Variants in KDM4B observed in about 807,000 individuals in gnomAD.
The protein encoded by KDM4B is lysine-specific demethylase 4B.
KDM4B carries 32 observed loss-of-function variants against 125.2 expected under a neutral mutation model. The observed-to-expected ratio is 0.26, with a 90% CI of 0.19 to 0.34. KDM4B has a LOEUF of 0.34. KDM4B is among the 10% of genes least tolerant of loss of function. The probability of loss-of-function intolerance (pLI) is 1.00; values close to 1 mark genes in which losing one functional copy is unlikely to be tolerated. For missense variants in KDM4B, 1,190 were observed against 1,577.7 expected, an observed-to-expected ratio of 0.75 and a Z score of 4.16; for synonymous variants, 721 against 677.9, an observed-to-expected ratio of 1.06 and a Z score of -0.99.
chr19:5,105,120 A>G (rs1215858998), intron 9 of KDM4B, among the ~76,000 whole-genome samples: 1 of 152,206 alleles, frequency 6.6e-6, no homozygotes, highest in African/African-American at 2.4e-5. Context: ...TGCCCACAGT[A>G]CATGGCTGGC....
intron 3 of KDM4B, among the ~76,000 whole-genome samples, chr19:5,037,197 G>A (rs1396231943): frequency 6.6e-6 from 1 of 152,214 alleles, no homozygotes; most frequent in Non-Finnish European, 1.5e-5. Context: ...GCTTTGGCGT[G>A]GATTTGGAGC....
chr19:5,101,275 G>GT (rs933611704), intron 9 of KDM4B, among the ~76,000 whole-genome samples: 123 of 143,368 alleles, frequency 8.6e-4, no homozygotes, highest in African/African-American at 1.6e-3. Context: ...CCAGGTTTTT[G>GT]TTTTTTTTTT....
rs191535318 is a variant in KDM4B at position 5,151,751 on chromosome 19, A to G, written c.*240A>G. ...GGAGCACCCCACTCAACTACTCAGA[A>G]TTTTAAACCATGTAAGCTCTCTTCT... On this transcript the variant is annotated 3_prime_UTR_variant, in exon 23 of 23. Coordinates refer to ENST00000159111, the MANE Select transcript of KDM4B (RefSeq NM_015015.3). 121 of 388,610 alleles carry G rather than the reference A, an allele frequency of 3.1e-4. 1 individual carries two copies. Among genetic ancestry groups the G allele is most frequent in the African/African-American group, 2.3e-3 (111 of 48,472 alleles). The allele number at this position is 388,610 out of a possible 1,614,324, so 24.1% of individuals were successfully genotyped here. A position where few individuals can be genotyped will look rare whatever the true frequency, so the allele number is the denominator to read the frequency against.
intron 9 of KDM4B, among the ~76,000 whole-genome samples, chr19:5,090,861 C>T (rs560053257): frequency 2.8e-4 from 43 of 151,790 alleles, no homozygotes; most frequent in African/African-American, 1.0e-3. Context: ...CCCTCCCTGC[C>T]CACCAGGTGT....
intron 9 of KDM4B, among the ~76,000 whole-genome samples, chr19:5,107,337 G>T (rs948682955): frequency 6.6e-6 from 1 of 152,232 alleles, no homozygotes; most frequent in Non-Finnish European, 1.5e-5. Context: ...CCCCCGGATG[G>T]TGCCTTCCTT....
intron 10 of KDM4B, among the ~76,000 whole-genome samples, chr19:5,111,180 A>G (rs1156368582): frequency 6.6e-6 from 1 of 152,190 alleles, no homozygotes; most frequent in African/African-American, 2.4e-5. Flanking sequence ...CACCAGCCAC[A>G]TGGCTCCCTG....
Position 5,082,588 on chromosome 19 carries a change from G to C in KDM4B, c.918+84G>C. On this transcript the variant is annotated intron_variant, in intron 9 of 22. Transcript: ENST00000159111. This position sits in a 1 kb window ranked among gnomAD's most constrained non-coding sequence, Gnocchi z 5.4. ...CTCTGCAGCCACACGCCCATAGCTG[G>C]TCCAGCAGCCGTTTCGCTCAGCCCA... The C allele has an allele frequency of 6.9e-7, 1 of 1,441,274 alleles. No individual in the cohort carries two copies. The highest frequency in any genetic ancestry group is 9.3e-7 in the Non-Finnish European group (1 of 1,079,970). The allele number at this position is 1,441,274 out of a possible 1,614,324, so 89.3% of individuals were successfully genotyped here. A position where few individuals can be genotyped will look rare whatever the true frequency, so the allele number is the denominator to read the frequency against.
intron 1 of KDM4B, among the ~76,000 whole-genome samples, chr19:4,980,923 C>T (rs1463839727): frequency 1.4e-5 from 2 of 146,890 alleles, no homozygotes; most frequent in Admixed American, 1.3e-4. Flanking sequence ...GGGGCAGACA[C>T]AGCATAGAAA....
At chr19:5,079,254 C>T (rs188247161) in intron 8 of KDM4B, 4 of 152,292 alleles carry the variant, frequency 2.6e-5, no homozygotes, top group South Asian at 2.1e-4. Context: ...TGTCTGGGGC[C>T]GCGTCCTGTC....
At chr19:5,046,476 G>A (rs2037030559) in intron 5 of KDM4B, among the ~76,000 whole-genome samples, 4 of 152,202 alleles carry the variant, frequency 2.6e-5, no homozygotes, top group African/African-American at 9.7e-5. Context: ...AGGGCCGGTC[G>A]TGCAGGTGCA....
chr19:5,144,784 G>A lies in KDM4B; in HGVS notation c.2903G>A (p.Ser968Asn), dbSNP rs746604190. The change falls in exon 21 of 23, where the codon AGT becomes AAT. Residue 968 changes from serine (S) to asparagine (N), a missense_variant and splice_region_variant. Ser to Asn is a conservative substitution (Grantham distance 46, BLOSUM62 1). Transcript: ENST00000159111. ...SDNLYPESITSRDCVQLGPPS... is the reference protein window; with the variant it reads ...SDNLYPESITNRDCVQLGPPS... ...ACCTCCCACCTCTTCTCCCTGCAGA[G>A]TAGGGACTGTGTCCAGCTGGGACCC... 6.2e-7 allele frequency: 1 copy of A among 1,613,500 alleles called. No homozygotes were observed. The highest frequency in any genetic ancestry group is 1.1e-5 in the South Asian group (1 of 91,084).
intron 3 of KDM4B, among the ~76,000 whole-genome samples, chr19:5,036,982 G>A (rs921739253): frequency 6.6e-6 from 1 of 152,232 alleles, no homozygotes; most frequent in Non-Finnish European, 1.5e-5. Flanking sequence ...GGGGGTGTTT[G>A]GAGCTTCCTG....
intron 6 of KDM4B, among the ~76,000 whole-genome samples, chr19:5,063,317 C>T (rs954405483): frequency 2.6e-5 from 4 of 152,086 alleles, no homozygotes; most frequent in Admixed American, 6.6e-5. Flanking sequence ...CATTTTCTTG[C>T]GTGTTCTTTG....
intron 6 of KDM4B, 21 bp from the exon 7 acceptor site, chr19:5,070,989 C>T (rs760557581): frequency 3.2e-5 from 51 of 1,613,400 alleles, no homozygotes; most frequent in Admixed American, 2.0e-4. Flanking sequence ...TTGCCTCTGA[C>T]GTGCCTCCCT....
intron 1 of KDM4B, among the ~76,000 whole-genome samples, chr19:4,977,311 G>A (rs934304871): frequency 6.6e-6 from 1 of 152,240 alleles, no homozygotes; most frequent in Non-Finnish European, 1.5e-5. Flanking sequence ...CCCAGTGGCT[G>A]CTGCACCTCA....
At chr19:4,970,659 C>G (rs1033784682) in intron 1 of KDM4B, among the ~76,000 whole-genome samples, 3 of 146,808 alleles carry the variant, frequency 2.0e-5, no homozygotes, top group African/African-American at 7.4e-5. Flanking sequence ...AATGACTCCC[C>G]TAATTCTCCA....
At chr19:5,005,801 G>A (rs547287131) in intron 1 of KDM4B, among the ~76,000 whole-genome samples, 31 of 152,260 alleles carry the variant, frequency 2.0e-4, no homozygotes, top group Admixed American at 1.2e-3. Flanking sequence ...CGGCTGCCTC[G>A]CCACACAGCT....
At chr19:5,009,551 G>T (rs1447975849) in intron 1 of KDM4B, among the ~76,000 whole-genome samples, 1 of 152,148 alleles carries the variant, frequency 6.6e-6, no homozygotes, top group African/African-American at 2.4e-5. Context: ...CCAGGTGGTT[G>T]TTTGGTTTGG....
intron 3 of KDM4B, 23 bp downstream of exon 3, chr19:5,033,054 C>T (rs372184866): frequency 1.2e-4 from 190 of 1,609,052 alleles, no homozygotes; most frequent in Middle Eastern, 1.7e-4. Flanking sequence ...CTGGCCCCAG[C>T]GCGGCCCTCC....
Sources: allele counts gnomAD v4.1 joint callset (sites outside exome capture counted in the v4.1 genomes callset), GRCh38; gene constraint gnomAD v4.1.1; non-coding constraint Gnocchi (gnomAD v3.1); transcripts MANE v1.5; gene names NCBI Gene and HGNC (gene_info 2026-07-23, HGNC 2026-07-21).